Variants in JCHAIN observed in about 807,000 individuals in gnomAD.
JCHAIN encodes the protein immunoglobulin J chain.
JCHAIN carries 5 observed loss-of-function variants against 11.1 expected under a neutral mutation model. The ratio of observed to expected loss-of-function variants is 0.45; its 90% confidence interval spans 0.24 to 0.95. The LOEUF (loss-of-function observed/expected upper bound fraction) is 0.95. Among genes scored for constraint, JCHAIN ranks in the 40% least tolerant of loss-of-function variants. The pLI is 0.21. For synonymous variants in JCHAIN, 51 were observed against 67.8 expected (o/e 0.75, Z 1.22); for missense variants, 165 against 192.7 (o/e 0.86, Z 0.85).
chr4:70,657,202 A>G lies in JCHAIN; in HGVS notation c.269+9T>C, dbSNP rs746006842. 6.6e-7 allele frequency: 1 copy of G among 1,508,744 alleles called. No homozygotes were observed. Among genetic ancestry groups the G allele is most frequent in the Non-Finnish European group, 9.2e-7 (1 of 1,087,922 alleles). The allele number at this position is 1,508,744 out of a possible 1,614,324, so 93.5% of individuals were successfully genotyped here. A position where few individuals can be genotyped will look rare whatever the true frequency, so the allele number is the denominator to read the frequency against. On this transcript the variant is annotated intron_variant, in intron 3 of 3. Coordinates refer to ENST00000254801, the MANE Select transcript of JCHAIN (RefSeq NM_144646.4). ...CATCTATATTACTATGGAAAAAAAT[A>G]TATCTTACAGGTCAGACAAATGGTA... is the stretch of plus-strand genomic sequence containing the variant.
At chr4:70,660,090 A>G (rs1739025501) in intron 2 of JCHAIN, among the ~76,000 whole-genome samples, 1 of 152,128 alleles carries the variant, frequency 6.6e-6, no homozygotes, top group Non-Finnish European at 1.5e-5. Context: ...GGAGGTTTAA[A>G]CGTAAGATAG....
At chr4:70,662,643 T>TA (rs968853105) in intron 1 of JCHAIN, among the ~76,000 whole-genome samples, 2 of 152,220 alleles carry the variant, frequency 1.3e-5, no homozygotes, top group African/African-American at 2.4e-5. Context: ...TGATTCAATT[T>TA]AAAAAAAGGC....
chr4:70,660,001 C>T (rs1739024630), intron 2 of JCHAIN, among the ~76,000 whole-genome samples: 2 of 151,912 alleles, frequency 1.3e-5, no homozygotes. Flanking sequence ...TTTCAGTAAA[C>T]AATGTAATAT....
chr4:70,657,184 A>G, intron 3 of JCHAIN, 27 bp downstream of exon 3: 1 of 1,291,818 alleles, frequency 7.7e-7, no homozygotes, highest in Non-Finnish European at 1.1e-6. Context: ...CCACATCTAT[A>G]TTACTATGGA....
Position 70,656,258 on chromosome 4 carries a change from T to A in JCHAIN, c.*71A>T, listed in dbSNP as rs1577977742. ...TGGTTTCAAATTCATTGGTAATAAA[T>A]ATGCTAACTTTCTGAATCAAAATGG... On this transcript the variant is annotated 3_prime_UTR_variant, in exon 4 of 4. Transcript: ENST00000254801. The A allele has an allele frequency of 5.7e-6, 6 of 1,056,788 alleles. No homozygotes were observed. Among genetic ancestry groups the A allele is most frequent in the East Asian group, 2.5e-5 (1 of 40,436 alleles). The allele number at this position is 1,056,788 out of a possible 1,614,324, so 65.5% of individuals were successfully genotyped here.
intron 2 of JCHAIN, among the ~76,000 whole-genome samples, chr4:70,657,529 CA>C (rs1239417704): frequency 2.6e-5 from 4 of 152,130 alleles, no homozygotes; most frequent in Non-Finnish European, 4.4e-5. Context: ...GCTGACTTGG[CA>C]AATTTTTGCT....
intron 2 of JCHAIN, among the ~76,000 whole-genome samples, chr4:70,660,410 C>T (rs1355741229): frequency 1.4e-5 from 2 of 144,648 alleles, no homozygotes; most frequent in Admixed American, 6.9e-5. Context: ...GAGAAAGTCT[C>T]GCTCTTGTCC....
chr4:70,655,720 A>G lies in JCHAIN; in HGVS notation c.*609T>C, dbSNP rs1479966412. On this transcript the variant is annotated 3_prime_UTR_variant, in exon 4 of 4. Transcript: ENST00000254801. ...GCTTCCAAGTCTGTTATGTCCAAATATATTTTAATTATGCATTTATTTTGC... is the reference window on the plus strand; with the variant it reads ...GCTTCCAAGTCTGTTATGTCCAAATGTATTTTAATTATGCATTTATTTTGC... The G allele has an allele frequency of 2.6e-5, 4 of 152,312 alleles. No homozygotes were observed. In the East Asian group the frequency reaches 5.8e-4, roughly 22 times the overall value. 9.4% of individuals were successfully genotyped at this position (152,312 alleles called of 1,614,324 possible). A position where few individuals can be genotyped will look rare whatever the true frequency, so the allele number is the denominator to read the frequency against.
intron 1 of JCHAIN, among the ~76,000 whole-genome samples, chr4:70,663,859 C>A (rs187934280): frequency 9.2e-5 from 14 of 151,898 alleles, no homozygotes; most frequent in African/African-American, 2.4e-4. Context: ...CCACGCCTGG[C>A]AAATTACCAG....
chr4:70,656,181 A>G lies in JCHAIN; in HGVS notation c.*148T>C. Reference sequence around the variant, plus strand: ...AGATAACAATGTGACTATTTTAATTATTTTGGTGGCAGGGAGTTGGTTTTA... The same window carrying G: ...AGATAACAATGTGACTATTTTAATTGTTTTGGTGGCAGGGAGTTGGTTTTA... On this transcript the variant is annotated 3_prime_UTR_variant, in exon 4 of 4. Coordinates refer to ENST00000254801, the MANE Select transcript of JCHAIN (RefSeq NM_144646.4). The G allele has an allele frequency of 1.6e-6, 1 of 610,426 alleles. No individual in the cohort carries two copies. The highest frequency in any genetic ancestry group is 2.8e-5 in the East Asian group (1 of 36,276). 37.8% of individuals were successfully genotyped at this position (610,426 alleles called of 1,614,324 possible). A position where few individuals can be genotyped will look rare whatever the true frequency, so the allele number is the denominator to read the frequency against.
At chr4:70,656,917 C>T (rs1738960897) in intron 3 of JCHAIN, among the ~76,000 whole-genome samples, 1 of 152,032 alleles carries the variant, frequency 6.6e-6, no homozygotes, top group African/African-American at 2.4e-5. Context: ...GAAACACCTG[C>T]CTTTTTATAA....
chr4:70,661,864 A>G (rs990587298), intron 2 of JCHAIN, among the ~76,000 whole-genome samples: 3 of 152,224 alleles, frequency 2.0e-5, no homozygotes, highest in Non-Finnish European at 2.9e-5. Flanking sequence ...CTTTGTTTAT[A>G]ATTTGATGTA....
intron 3 of JCHAIN, 48 bp downstream of exon 3, chr4:70,657,163 G>T (rs1156883274): frequency 8.5e-6 from 8 of 943,926 alleles, no homozygotes; most frequent in Non-Finnish European, 1.3e-5. Context: ...AAAATTAAAA[G>T]CTATTAACTT....
intron 1 of JCHAIN, 84 bp downstream of exon 1, chr4:70,666,343 A>G (rs573278772): frequency 9.6e-6 from 9 of 935,218 alleles, no homozygotes; most frequent in Non-Finnish European, 1.5e-5. Flanking sequence ...CAACCAAAGC[A>G]TAGGCATAAA....
In JCHAIN at chr4:70,656,228, AG is replaced by A; in HGVS notation, c.*100del. On this transcript the variant is annotated 3_prime_UTR_variant, in exon 4 of 4. Transcript: ENST00000254801. ...TTTACATCACCCAAAAAAAAAAAAA[AG>A]CCCTGGTTTCAAATTCATTGGTAAT... The A allele has an allele frequency of 2.6e-6, 2 of 780,640 alleles. No homozygotes were observed. The highest frequency in any genetic ancestry group is 3.8e-5 in the South Asian group (2 of 52,130). The allele number at this position is 780,640 out of a possible 1,614,324, so 48.4% of individuals were successfully genotyped here. A position where few individuals can be genotyped will look rare whatever the true frequency, so the allele number is the denominator to read the frequency against.
At position 70,656,106 on chromosome 4, in the gene JCHAIN, T is replaced by G; in HGVS notation, c.*223A>C. 1 of 498,948 alleles carries G rather than the reference T, an allele frequency of 2.0e-6. No individual in the cohort carries two copies. The highest frequency in any genetic ancestry group is 3.5e-6 in the Non-Finnish European group (1 of 282,284). 30.9% of individuals were successfully genotyped at this position (498,948 alleles called of 1,614,324 possible). ...TCAGGTGAGCATGATAATTGGAAGATTTTGATACTTAGAGTATGAACATAT... is the reference window on the plus strand; with the variant it reads ...TCAGGTGAGCATGATAATTGGAAGAGTTTGATACTTAGAGTATGAACATAT... On this transcript the variant is annotated 3_prime_UTR_variant, in exon 4 of 4. Transcript: ENST00000254801.
Position 70,656,012 on chromosome 4 carries a change from A to T in JCHAIN, c.*317T>A. On this transcript the variant is annotated 3_prime_UTR_variant, in exon 4 of 4. Transcript: ENST00000254801. Reference sequence around the variant, plus strand: ...TACACCTCCTGATTTTCAGTCCTTGAGTTTTATTTTCTCCCCTTGTTTATT... The same window carrying T: ...TACACCTCCTGATTTTCAGTCCTTGTGTTTTATTTTCTCCCCTTGTTTATT... 1.1e-5 allele frequency: 2 copies of T among 180,756 alleles called. No individual in the cohort carries two copies. Among genetic ancestry groups the T allele is most frequent in the African/African-American group, 2.4e-5 (1 of 42,304 alleles). 11.2% of individuals were successfully genotyped at this position (180,756 alleles called of 1,614,324 possible).
In JCHAIN at chr4:70,666,376, C is replaced by A. The variant is rs763752131; in HGVS notation, c.64+51G>T. The stretch of plus-strand genomic sequence containing the variant: ...AAATGTTTAAAACTGAAAAACAGAT[C>A]TGTCCTATATTTTTCCTTTGATCTG... On this transcript the variant is annotated intron_variant, in intron 1 of 3. Transcript: ENST00000254801. 6 of 1,290,816 alleles carry A rather than the reference C, an allele frequency of 4.6e-6. No homozygotes were observed. In the South Asian group the frequency reaches 6.1e-5, roughly 13 times the overall value. 80.0% of individuals were successfully genotyped at this position (1,290,816 alleles called of 1,614,324 possible). A position where few individuals can be genotyped will look rare whatever the true frequency, so the allele number is the denominator to read the frequency against.
rs534793447 is a variant in JCHAIN at position 70,658,614 on chromosome 4, G to A, written c.189-1323C>T. The stretch of plus-strand genomic sequence containing the variant: ...TATTACGTGATGATCTCATATAATC[G>A]TCACAGCAATCCTGTTTCCTTTTCC... On this transcript the variant is annotated intron_variant, in intron 2 of 3. Coordinates refer to ENST00000254801, the MANE Select transcript of JCHAIN (RefSeq NM_144646.4). Among the ~76,000 whole-genome samples the A allele has an allele frequency of 1.4e-4, 21 of 152,092 alleles. 1 individual carries two copies. In the South Asian group the frequency reaches 2.5e-3, roughly 18 times the overall value.
Sources: allele counts gnomAD v4.1 joint callset (sites outside exome capture counted in the v4.1 genomes callset), GRCh38; gene constraint gnomAD v4.1.1; transcripts MANE v1.5; gene names NCBI Gene and HGNC (gene_info 2026-07-23, HGNC 2026-07-21).